GALNT13: variants seen among roughly 807,000 people sequenced by gnomAD.
GALNT13 encodes the protein polypeptide N-acetylgalactosaminyltransferase 13, also known as UDP-GalNAc:polypeptide N-acetylgalactosaminyltransferase 13.
A neutral mutation model predicts 64.2 loss-of-function variants in GALNT13; 28 were observed. That is an observed-to-expected ratio of 0.44 (90% CI 0.32 to 0.60). The LOEUF (loss-of-function observed/expected upper bound fraction) is 0.60. GALNT13 is among the 20% of genes least tolerant of loss of function. The pLI is 0.05. For synonymous variants in GALNT13, 214 were observed against 224.6 expected (o/e 0.95, Z 0.42); for missense variants, 577 against 669.8 (o/e 0.86, Z 1.53).
At chr2:153,475,345 C>T in the GALNT13 span, among the ~76,000 whole-genome samples, 1 of 152,154 alleles carries the variant, frequency 6.6e-6, no homozygotes, top group Non-Finnish European at 1.5e-5. Flanking sequence ...GTTCACATAC[C>T]TTTTGTATCT....
chr2:153,548,328 C>T, the GALNT13 span, among the ~76,000 whole-genome samples: 1 of 152,168 alleles, frequency 6.6e-6, no homozygotes, highest in South Asian at 2.1e-4. Context: ...AATAGTAAGA[C>T]TTGCCACTAC....
the GALNT13 span, among the ~76,000 whole-genome samples, chr2:153,779,203 G>C: frequency 6.6e-6 from 1 of 151,776 alleles, no homozygotes; most frequent in Non-Finnish European, 1.5e-5. Flanking sequence ...AATAACTCTT[G>C]TTCTAGACGC....
chr2:153,422,995 GAC>G, the GALNT13 span, among the ~76,000 whole-genome samples: 2 of 151,858 alleles, frequency 1.3e-5, no homozygotes, highest in South Asian at 2.1e-4. Flanking sequence ...GAAAAAGTAA[GAC>G]AGCTCCTCAA....
At chr2:154,312,068 G>C (rs1475400866) in intron 9 of GALNT13, among the ~76,000 whole-genome samples, 1 of 151,284 alleles carries the variant, frequency 6.6e-6, no homozygotes, top group Admixed American at 6.6e-5. Context: ...CATCCTTCTC[G>C]GCTGACAGGA....
intron 2 of GALNT13, among the ~76,000 whole-genome samples, chr2:153,939,752 A>C (rs189308534): frequency 6.6e-6 from 1 of 152,328 alleles, no homozygotes; most frequent in Admixed American, 6.5e-5. Context: ...TACTAGTAAT[A>C]ATAACTAATC....
the GALNT13 span, among the ~76,000 whole-genome samples, chr2:153,456,569 CAGA>C: frequency 6.6e-6 from 1 of 152,162 alleles, no homozygotes; most frequent in Non-Finnish European, 1.5e-5. Context: ...CTGAAACCTT[CAGA>C]AGAACACCTA....
At chr2:154,289,523 T>TA (rs1692478629) in intron 8 of GALNT13, among the ~76,000 whole-genome samples, 2 of 152,076 alleles carry the variant, frequency 1.3e-5, no homozygotes, top group South Asian at 4.1e-4. Context: ...CTCCCCTTTA[T>TA]AAAACCATCA....
chr2:153,250,474 G>T, the GALNT13 span, among the ~76,000 whole-genome samples: 1 of 152,322 alleles, frequency 6.6e-6, no homozygotes, highest in South Asian at 2.1e-4. Context: ...ACAGTATGGT[G>T]ATTCCTCAAG....
At chr2:153,411,676 A>G in the GALNT13 span, among the ~76,000 whole-genome samples, 3 of 152,176 alleles carry the variant, frequency 2.0e-5, no homozygotes, top group African/African-American at 7.2e-5. Flanking sequence ...GAGCAATAGT[A>G]GTAGCCCTTG....
chr2:153,357,285 A>G, the GALNT13 span: 1 of 152,188 alleles, frequency 6.6e-6, no homozygotes, highest in Non-Finnish European at 1.5e-5. Context: ...GAAAAAAATC[A>G]TTCAGACTTC....
chr2:153,966,512 C>T (rs1558879451), intron 3 of GALNT13, among the ~76,000 whole-genome samples: 1 of 151,688 alleles, frequency 6.6e-6, no homozygotes, highest in African/African-American at 2.4e-5. Context: ...ACTACAGGCG[C>T]CCGCCAAAAC....
chr2:153,440,900 C>G, the GALNT13 span, among the ~76,000 whole-genome samples: 1 of 152,036 alleles, frequency 6.6e-6, no homozygotes, highest in East Asian at 1.9e-4. Context: ...TGTAGGTTAC[C>G]TCTTCACTCT....
At chr2:154,069,584 TTTTAATA>T (rs1305371730) in intron 3 of GALNT13, among the ~76,000 whole-genome samples, 4 of 151,942 alleles carry the variant, frequency 2.6e-5, no homozygotes, top group Non-Finnish European at 5.9e-5. Context: ...CATTAAATAA[TTTTAATA>T]TTTATATGAA....
At chr2:154,419,221 T>C (rs1399606973) in intron 11 of GALNT13, among the ~76,000 whole-genome samples, 3 of 152,126 alleles carry the variant, frequency 2.0e-5, no homozygotes, top group Non-Finnish European at 4.4e-5. Context: ...TTGGAGTTGA[T>C]AAAAACTTGT....
intron 4 of GALNT13, among the ~76,000 whole-genome samples, chr2:154,227,355 G>C (rs1188863943): frequency 6.6e-6 from 1 of 151,102 alleles, no homozygotes; most frequent in Non-Finnish European, 1.5e-5. Context: ...TATACTTTAA[G>C]TTTTAGGGTA....
At chr2:154,388,565 G>T (rs1185443457) in intron 9 of GALNT13, among the ~76,000 whole-genome samples, 1 of 151,970 alleles carries the variant, frequency 6.6e-6, no homozygotes, top group Admixed American at 6.6e-5. Context: ...TTTTATATTT[G>T]GTATAAGATA....
chr2:153,241,657 A>ATGTGTGTG, the GALNT13 span, among the ~76,000 whole-genome samples: 2 of 150,744 alleles, frequency 1.3e-5, no homozygotes, highest in Non-Finnish European at 3.0e-5. Context: ...CTGTGTGTGT[A>ATGTGTGTG]TGTGTATGTG....
At chr2:153,138,938 A>G in the GALNT13 span, among the ~76,000 whole-genome samples, 1 of 151,934 alleles carries the variant, frequency 6.6e-6, no homozygotes, top group South Asian at 2.1e-4. Context: ...TGCATATCCA[A>G]TTTACCACTT....
chr2:153,559,658 T>C, the GALNT13 span, among the ~76,000 whole-genome samples: 64,003 of 151,830 alleles, frequency 0.42, 14,843 homozygotes, highest in African/African-American at 0.6. Context: ...AGCCTGATCC[T>C]TCCATTAAGA....
Sources: gnomAD v4.1 joint callset for allele counts (sites outside exome capture counted in the v4.1 genomes callset) on GRCh38, gnomAD v4.1.1 for gene constraint, MANE v1.5 for transcripts, NCBI Gene and HGNC (gene_info 2026-07-23, HGNC 2026-07-21) for gene names.